Variants in BAIAP2 observed in about 807,000 individuals in gnomAD.
The protein encoded by BAIAP2 is BAR/IMD domain-containing adapter protein 2.
In BAIAP2, 18 loss-of-function variants were observed where a neutral mutation model predicts 63.0. The ratio of observed to expected loss-of-function variants is 0.29; its 90% CI spans 0.20 to 0.42. The LOEUF is 0.42. Among genes scored for constraint, BAIAP2 ranks in the 10% least tolerant of loss-of-function variants. The pLI, the probability that BAIAP2 is intolerant of heterozygous loss-of-function variation, is 1.00. For synonymous variants in BAIAP2, 386 were observed against 307.6 expected (o/e 1.25, Z -2.67); for missense variants, 610 against 734.3 (o/e 0.83, Z 1.96).
intron 1 of BAIAP2, among the ~76,000 whole-genome samples, chr17:81,040,461 T>C (rs1192050796): frequency 1.3e-5 from 2 of 152,232 alleles, no homozygotes; most frequent in Admixed American, 6.5e-5. Context: ...CACAATGACT[T>C]GAGGGGCCTC....
chr17:81,088,878 G>A (rs1020302757), intron 6 of BAIAP2, among the ~76,000 whole-genome samples: 2 of 152,354 alleles, frequency 1.3e-5, no homozygotes. Context: ...AAAGGCAGAG[G>A]CTGGGGGCTG....
chr17:81,068,503 G>A (rs926169541), intron 3 of BAIAP2, among the ~76,000 whole-genome samples: 3 of 152,184 alleles, frequency 2.0e-5, no homozygotes, highest in South Asian at 2.1e-4. Flanking sequence ...AGCGATGCAG[G>A]GCCCAAACCA....
At chr17:81,092,985 G>A (rs1186234401) in intron 6 of BAIAP2, among the ~76,000 whole-genome samples, 1 of 152,136 alleles carries the variant, frequency 6.6e-6, no homozygotes, top group Non-Finnish European at 1.5e-5. Context: ...TGTGCCCACC[G>A]CTCGGGGGCA....
rs926622303 is a variant in BAIAP2, at chr17:81,115,936, C to T, written c.*97C>T. The T allele has an allele frequency of 1.9e-6, 3 of 1,558,650 alleles. No individual in the cohort carries two copies. Among genetic ancestry groups the T allele is most frequent in the African/African-American group, 2.7e-5 (2 of 73,952 alleles). On this transcript the variant is annotated 3_prime_UTR_variant, in exon 14 of 14. Coordinates refer to ENST00000428708, the MANE Select transcript of BAIAP2 (RefSeq NM_001144888.2). ...CTGTGCGTTCCTGTGTAGAGAACAT[C>T]CAGGCCCCGGCTGCCTGGTCTTGCC...
At chr17:81,099,161 C>T (rs767391876) in intron 6 of BAIAP2, among the ~76,000 whole-genome samples, 5 of 152,112 alleles carry the variant, frequency 3.3e-5, no homozygotes, top group Admixed American at 6.6e-5. Context: ...TCCCCGTGGA[C>T]GCTGGTCTTG....
chr17:81,053,496 A>C, intron 1 of BAIAP2, 172 bp from the exon 2 acceptor site: 1 of 675,004 alleles, frequency 1.5e-6, no homozygotes, highest in Non-Finnish European at 2.6e-6. Flanking sequence ...TCCCAAGGAC[A>C]TTGATCAGGG....
chr17:81,101,138 A>G (rs984680573), intron 7 of BAIAP2, among the ~76,000 whole-genome samples: 2 of 152,032 alleles, frequency 1.3e-5, no homozygotes, highest in African/African-American at 4.8e-5. Flanking sequence ...GTCCCCCAGC[A>G]CAGTCCTGCA....
Position 81,036,262 on chromosome 17 carries a change from T to G in BAIAP2, c.54+954T>G, listed in dbSNP as rs953414065. On this transcript the variant is annotated intron_variant, in intron 1 of 13. Coordinates refer to ENST00000428708, the MANE Select transcript of BAIAP2 (RefSeq NM_001144888.2). ...GAGAAACCCCTGCTCTGGGTGTCCC[T>G]GGGTCCTGGGCGATCTCTTACAGAT... 3.9e-5 allele frequency among the ~76,000 whole-genome samples: 6 copies of G among 152,350 alleles called. No homozygotes were observed. The South Asian group carries it at 1.2e-3, about 32-fold the overall frequency.
At chr17:81,050,458 G>A (rs1308680723) in intron 1 of BAIAP2, among the ~76,000 whole-genome samples, 2 of 152,216 alleles carry the variant, frequency 1.3e-5, no homozygotes, top group African/African-American at 2.4e-5. Flanking sequence ...AGGCATGGCC[G>A]CCGTGCTGAC....
At chr17:81,096,553 G>GT (rs66995661) in intron 6 of BAIAP2, among the ~76,000 whole-genome samples, 26,515 of 152,228 alleles carry the variant, frequency 0.17, 2,380 homozygotes, top group Middle Eastern at 0.32. Flanking sequence ...GGTCTGAGTG[G>GT]TGTTGCAGGG....
intron 13 of BAIAP2, chr17:81,110,434 T>G (rs2059782359): frequency 1.0e-6 from 1 of 992,302 alleles, no homozygotes; most frequent in Non-Finnish European, 1.2e-6. Flanking sequence ...TTTTTCCTGT[T>G]TCCTTTCCTT....
intron 5 of BAIAP2, 142 bp downstream of exon 5, chr17:81,085,867 T>C: frequency 1.5e-6 from 1 of 672,830 alleles, no homozygotes; most frequent in Non-Finnish European, 2.5e-6. Flanking sequence ...GACTTTATTG[T>C]CCATTTGGGA....
chr17:81,070,365 T>A (rs1399404605), intron 3 of BAIAP2, among the ~76,000 whole-genome samples: 1 of 152,216 alleles, frequency 6.6e-6, no homozygotes, highest in East Asian at 1.9e-4. Flanking sequence ...CCAGGCAGCC[T>A]TCGGGCTGGG....
intron 6 of BAIAP2, among the ~76,000 whole-genome samples, chr17:81,092,546 G>C (rs570695329): frequency 2.0e-5 from 3 of 152,106 alleles, no homozygotes; most frequent in African/African-American, 7.2e-5. Flanking sequence ...TGTTGTTCAA[G>C]AACTGCTTGT....
Position 81,116,401 on chromosome 17 carries a change from G to C in BAIAP2, c.*562G>C, listed in dbSNP as rs941249243. On this transcript the variant is annotated 3_prime_UTR_variant, in exon 14 of 14. Coordinates refer to ENST00000428708, the MANE Select transcript of BAIAP2 (RefSeq NM_001144888.2). ...CATGCCCCTCGGTGGGGCTCTCCTG[G>C]GCCCCTCACTCCCACTGGCAATGTC... The C allele has an allele frequency of 2.0e-6, 3 of 1,474,418 alleles. No individual in the cohort carries two copies. In the African/African-American group the frequency reaches 4.2e-5, roughly 20 times the overall value. 91.3% of individuals were successfully genotyped at this position (1,474,418 alleles called of 1,614,324 possible).
At chr17:81,059,063 C>T (rs2050105553) in intron 3 of BAIAP2, among the ~76,000 whole-genome samples, 1 of 152,216 alleles carries the variant, frequency 6.6e-6, no homozygotes, top group South Asian at 2.1e-4. Flanking sequence ...TCACGACGTC[C>T]TGCGCCGGGA....
intron 6 of BAIAP2, among the ~76,000 whole-genome samples, chr17:81,091,977 G>GCGCCCCCATCT (rs1491356606): frequency 6.6e-6 from 1 of 152,278 alleles, no homozygotes; most frequent in African/African-American, 2.4e-5. Flanking sequence ...GGCTGGACGG[G>GCGCCCCCATCT]CGCCCCCATC....
At chr17:81,067,424 C>G (rs1012875165) in intron 3 of BAIAP2, among the ~76,000 whole-genome samples, 1 of 152,210 alleles carries the variant, frequency 6.6e-6, no homozygotes, top group Admixed American at 6.5e-5. Flanking sequence ...GGGCCTTGTT[C>G]CCCTCTGGCT....
At chr17:81,089,860 G>A (rs8067978) in intron 6 of BAIAP2, among the ~76,000 whole-genome samples, 33,988 of 152,150 alleles carry the variant, frequency 0.22, 3,995 homozygotes, top group Non-Finnish European at 0.25. Context: ...GTTGCAGTGG[G>A]TGTGAGGTGA....
Sources: allele counts gnomAD v4.1 joint callset (sites outside exome capture counted in the v4.1 genomes callset), GRCh38; gene constraint gnomAD v4.1.1; transcripts MANE v1.5; gene names NCBI Gene and HGNC (gene_info 2026-07-23, HGNC 2026-07-21).